The following NALCN variants were observed in gnomAD, a reference collection of about 807,000 sequenced individuals.
NALCN encodes the protein sodium leak channel NALCN.
NALCN carries 111 observed loss-of-function variants against 225.3 expected under a neutral mutation model. The observed-to-expected ratio is 0.49, with a 90% CI of 0.42 to 0.58. The LOEUF is 0.58. Among genes scored for constraint, NALCN ranks in the 20% least tolerant of loss-of-function variants. The pLI is 0.00. For synonymous variants in NALCN, 764 were observed against 769.0 expected (o/e 0.99, Z 0.11); for missense variants, 1,378 against 2,202.4 (o/e 0.63, Z 7.49).
intron 18 of NALCN, among the ~76,000 whole-genome samples, chr13:101,113,877 T>C (rs1566828280): frequency 1.3e-5 from 2 of 152,198 alleles, no homozygotes. Flanking sequence ...TGTGAGTTGA[T>C]TAGGGACCAC....
At chr13:101,415,857 C>T (rs1400364711) in intron 1 of NALCN, among the ~76,000 whole-genome samples, 1 of 152,062 alleles carries the variant, frequency 6.6e-6, no homozygotes. Flanking sequence ...CAGGCAGCGG[C>T]CCTGGTGCCG....
intron 36 of NALCN, 136 bp from the exon 37 acceptor site, chr13:101,073,813 C>G (rs1249420186): frequency 1.6e-6 from 1 of 640,794 alleles, no homozygotes; most frequent in Non-Finnish European, 2.6e-6. Flanking sequence ...AAAGGTTATA[C>G]CTTTTTATTA....
chr13:101,199,760 C>A (rs1463517526), intron 13 of NALCN, among the ~76,000 whole-genome samples: 1 of 151,988 alleles, frequency 6.6e-6, no homozygotes, highest in Non-Finnish European at 1.5e-5. Flanking sequence ...TACAAACCTG[C>A]ACGTTGTGCA....
rs1404864558 is a variant in NALCN, at chr13:101,243,220, C to T, written c.1267-5298G>A. Among the ~76,000 whole-genome samples, 2 of 102,630 alleles carry T rather than the reference C, an allele frequency of 1.9e-5. 1 individual carries two copies. The highest frequency in any genetic ancestry group is 7.1e-5 in the African/African-American group (2 of 28,330). The allele number at this position is 102,630 out of a possible 152,430, so 67.3% of individuals were successfully genotyped here. On this transcript the variant is annotated intron_variant, in intron 11 of 43. Transcript: ENST00000251127. ...TGTGTGGATAGGCTATTTTACTTTG[C>T]CCTTATTATTATATCTCTACCACTT... is the stretch of plus-strand genomic sequence containing the variant.
At chr13:101,186,552 G>C (rs941202136) in intron 14 of NALCN, among the ~76,000 whole-genome samples, 1 of 152,208 alleles carries the variant, frequency 6.6e-6, no homozygotes, top group South Asian at 2.1e-4. Context: ...AGTGACTTCA[G>C]TATTAGACTT....
chr13:101,380,303 T>C (rs1023335024), intron 3 of NALCN, among the ~76,000 whole-genome samples: 2 of 152,150 alleles, frequency 1.3e-5, no homozygotes, highest in African/African-American at 4.8e-5. Context: ...TTAATTTTAA[T>C]TGGGATTGCA....
intron 1 of NALCN, among the ~76,000 whole-genome samples, chr13:101,407,715 G>T (rs141182616): frequency 5.1e-4 from 78 of 152,284 alleles, no homozygotes; most frequent in African/African-American, 1.8e-3. Flanking sequence ...AATCCAAGTA[G>T]TCTATTTGTC....
At chr13:101,166,034 A>T (rs2038421895) in intron 15 of NALCN, among the ~76,000 whole-genome samples, 1 of 152,248 alleles carries the variant, frequency 6.6e-6, no homozygotes, top group Non-Finnish European at 1.5e-5. Flanking sequence ...TTCACTTAGC[A>T]TGATGTCCTC....
At chr13:101,167,664 C>G (rs1221029364) in intron 15 of NALCN, among the ~76,000 whole-genome samples, 5 of 151,810 alleles carry the variant, frequency 3.3e-5, no homozygotes, top group Admixed American at 2.0e-4. Flanking sequence ...ATGGTGAAAC[C>G]CTGTCTCTAC....
intron 14 of NALCN, chr13:101,180,708 AAGGTTCTCTCCCCATC>A (rs2039172384): frequency 5.1e-6 from 1 of 194,850 alleles, no homozygotes; most frequent in Admixed American, 5.3e-5. Flanking sequence ...GGCCCCCAGC[AAGGTTCTCTCCCCATC>A]AGGTTCCAAG....
At chr13:101,262,871 T>C (rs1240923319) in intron 10 of NALCN, among the ~76,000 whole-genome samples, 1 of 152,190 alleles carries the variant, frequency 6.6e-6, no homozygotes, top group African/African-American at 2.4e-5. Context: ...GAGAAAATAG[T>C]ACCTACTCCA....
At chr13:101,176,404 A>G (rs557970542) in intron 14 of NALCN, 30 bp from the exon 15 acceptor site, 1 of 1,522,208 alleles carries the variant, frequency 6.6e-7, no homozygotes, top group East Asian at 2.3e-5. Flanking sequence ...CAATGAAAAA[A>G]CCCACATGCC....
chr13:101,321,505 C>A (rs575117935), intron 7 of NALCN, among the ~76,000 whole-genome samples: 1 of 152,162 alleles, frequency 6.6e-6, no homozygotes, highest in African/African-American at 2.4e-5. Context: ...TATGCAGGAA[C>A]AATTTGGAAG....
intron 3 of NALCN, among the ~76,000 whole-genome samples, chr13:101,386,951 G>A (rs2139456187): frequency 6.6e-6 from 1 of 152,226 alleles, no homozygotes; most frequent in South Asian, 2.1e-4. Context: ...GCCAGGCGCG[G>A]TGGCTCACGC....
intron 1 of NALCN, among the ~76,000 whole-genome samples, chr13:101,404,850 C>T (rs73566026): frequency 6.6e-6 from 1 of 152,140 alleles, no homozygotes; most frequent in Non-Finnish European, 1.5e-5. Flanking sequence ...TCTTTCTTGT[C>T]CCATAGCTCA....
At chr13:101,395,935 C>G (rs925720208) in intron 2 of NALCN, among the ~76,000 whole-genome samples, 1 of 152,058 alleles carries the variant, frequency 6.6e-6, no homozygotes, top group African/African-American at 2.4e-5. Flanking sequence ...AATTTCCTTT[C>G]TATTTGTATC....
intron 6 of NALCN, among the ~76,000 whole-genome samples, chr13:101,370,766 T>C (rs1307141753): frequency 6.6e-6 from 1 of 152,174 alleles, no homozygotes; most frequent in African/African-American, 2.4e-5. Flanking sequence ...TTTCAGTGGG[T>C]GTAACTGACA....
rs1443473916 is a variant in NALCN at position 101,053,831 on chromosome 13, A to G, written c.*1464T>C. The G allele has an allele frequency of 1.3e-5, 2 of 152,172 alleles. No individual in the cohort carries two copies. The allele number at this position is 152,172 out of a possible 1,614,324, so 9.4% of individuals were successfully genotyped here. A position where few individuals can be genotyped will look rare whatever the true frequency, so the allele number is the denominator to read the frequency against. On this transcript the variant is annotated 3_prime_UTR_variant, in exon 44 of 44. Transcript: ENST00000251127. The stretch of plus-strand genomic sequence containing the variant: ...TTGTATGTACAAAAAGTAAACTCCA[A>G]GTGAACATCAAATCAAATCTAATCC...
At chr13:101,110,402 G>A (rs552033669) in intron 20 of NALCN, among the ~76,000 whole-genome samples, 2 of 152,258 alleles carry the variant, frequency 1.3e-5, no homozygotes, top group South Asian at 2.1e-4. Context: ...ACTAAGACAT[G>A]TGCTTTGTGT....
Sources: gnomAD v4.1 joint callset for allele counts (sites outside exome capture counted in the v4.1 genomes callset) on GRCh38, gnomAD v4.1.1 for gene constraint, MANE v1.5 for transcripts, NCBI Gene and HGNC (gene_info 2026-07-23, HGNC 2026-07-21) for gene names.